Variants in RTKN2 observed in about 807,000 individuals in gnomAD.
RTKN2 encodes the protein rhotekin-2.
A neutral mutation model predicts 71.5 loss-of-function variants in RTKN2; 69 were observed. The observed-to-expected ratio is 0.96, with a 90% CI of 0.79 to 1.18. The LOEUF is 1.18. Ranked by LOEUF, RTKN2 falls within the 50% of genes most tolerant of loss-of-function variation. The pLI is 0.00. For missense variants in RTKN2, 724 were observed against 719.7 expected, an observed-to-expected ratio of 1.01 and a Z score of -0.07; for synonymous variants, 236 against 236.5, an observed-to-expected ratio of 1.00 and a Z score of 0.02.
At chr10:62,212,809 A>G (rs575714015) in intron 9 of RTKN2, among the ~76,000 whole-genome samples, 2 of 152,336 alleles carry the variant, frequency 1.3e-5, no homozygotes, top group South Asian at 4.1e-4. Flanking sequence ...TAGATTTAAA[A>G]ACCAAGTAAT....
intron 1 of RTKN2, among the ~76,000 whole-genome samples, chr10:62,268,199 T>A (rs1842900527): frequency 6.6e-6 from 1 of 152,144 alleles, no homozygotes; most frequent in South Asian, 2.1e-4. Context: ...CCTCGCTGGG[T>A]TTCTTGGGAA....
intron 6 of RTKN2, among the ~76,000 whole-genome samples, chr10:62,235,150 A>C (rs1227962968): frequency 6.6e-6 from 1 of 152,208 alleles, no homozygotes; most frequent in Non-Finnish European, 1.5e-5. Context: ...AGGAAATTGT[A>C]GTAGGCTAAA....
chr10:62,187,738 C>G lies in RTKN2; in HGVS notation c.862-3351G>C, dbSNP rs113680685. Among the ~76,000 whole-genome samples the G allele has an allele frequency of 3.1e-3, 478 of 152,258 alleles. 2 individuals are homozygous for G. The highest frequency in any genetic ancestry group is 9.6e-3 in the African/African-American group (398 of 41,532). On this transcript the variant is annotated intron_variant, in intron 8 of 8. Transcript: ENST00000315289. ...AAAACTGGCCTGTGCCCTCGGTGAA[C>G]TTAACGTGTAGTGGTGGCATTTACA... is the stretch of plus-strand genomic sequence containing the variant.
At chr10:62,235,945 GTTTT>G in intron 6 of RTKN2, 117 bp downstream of exon 6, 1 of 718,194 alleles carries the variant, frequency 1.4e-6, no homozygotes, top group Non-Finnish European at 2.3e-6. Flanking sequence ...AAACAACTAA[GTTTT>G]GTTTTTGTTT....
intron 9 of RTKN2, 93 bp downstream of exon 9, chr10:62,217,024 CT>C (rs1841783221): frequency 1.1e-6 from 1 of 918,930 alleles, no homozygotes. Flanking sequence ...CAGTACTTCT[CT>C]TTTATTTATA....
At chr10:62,205,557 A>G (rs1199148196) in intron 9 of RTKN2, among the ~76,000 whole-genome samples, 2 of 152,190 alleles carry the variant, frequency 1.3e-5, no homozygotes, top group Admixed American at 6.5e-5. Context: ...CCTCATTAAC[A>G]TTTATTTTGT....
intron 6 of RTKN2, among the ~76,000 whole-genome samples, chr10:62,227,442 T>C (rs1364054029): frequency 1.3e-5 from 2 of 151,930 alleles, no homozygotes; most frequent in Admixed American, 6.6e-5. Flanking sequence ...ACAATACATA[T>C]AAAGGCTAAG....
intron 9 of RTKN2, among the ~76,000 whole-genome samples, chr10:62,206,162 G>GTA (rs748225528): frequency 1.3e-5 from 2 of 152,108 alleles, no homozygotes; most frequent in African/African-American, 2.4e-5. Flanking sequence ...CAGCCATATT[G>GTA]TAAGTGTCTA....
Position 62,195,517 on chromosome 10 carries a change from C to G in RTKN2, c.*2391G>C. 1.3e-6 allele frequency: 1 copy of G among 781,150 alleles called. No individual in the cohort carries two copies. The highest frequency in any genetic ancestry group is 1.9e-5 in the African/African-American group (1 of 51,892). 48.4% of individuals were successfully genotyped at this position (781,150 alleles called of 1,614,324 possible). On this transcript the variant is annotated 3_prime_UTR_variant, in exon 12 of 12. Transcript: ENST00000373789. ...AGGAAAGTGGGAAAAGGGGATGAGA[C>G]AGAGAGAGAGGACAGGGGGCCAGAG...
At chr10:62,256,074 A>G (rs896088972) in intron 2 of RTKN2, among the ~76,000 whole-genome samples, 3 of 150,662 alleles carry the variant, frequency 2.0e-5, no homozygotes, top group Non-Finnish European at 2.9e-5. Context: ...GCTGGAGTGC[A>G]GTGGCATGAT....
intron 7 of RTKN2, among the ~76,000 whole-genome samples, chr10:62,221,778 G>A (rs939441043): frequency 2.0e-5 from 3 of 151,962 alleles, no homozygotes; most frequent in Non-Finnish European, 2.9e-5. Flanking sequence ...GAATAAAACT[G>A]ACTAATCTAT....
chr10:62,207,694 C>T (rs1841576030), intron 9 of RTKN2, among the ~76,000 whole-genome samples: 1 of 152,112 alleles, frequency 6.6e-6, no homozygotes, highest in African/African-American at 2.4e-5. Context: ...CCCCATATTT[C>T]TGCCACCTAA....
In RTKN2 at chr10:62,194,267, T is replaced by C; in HGVS notation, c.*3641A>G. ...TCTTTCCCAGAGTTAACTAAGAACA[T>C]CTATGATCCAGAATATGCAGATTTC... On this transcript the variant is annotated 3_prime_UTR_variant, in exon 12 of 12. Coordinates refer to ENST00000373789, the MANE Select transcript of RTKN2 (RefSeq NM_145307.4). 1.0e-6 allele frequency: 1 copy of C among 984,698 alleles called. No individual in the cohort carries two copies. Among genetic ancestry groups the C allele is most frequent in the South Asian group, 4.7e-5 (1 of 21,284 alleles). 61.0% of individuals were successfully genotyped at this position (984,698 alleles called of 1,614,324 possible). A position where few individuals can be genotyped will look rare whatever the true frequency, so the allele number is the denominator to read the frequency against.
intron 6 of RTKN2, among the ~76,000 whole-genome samples, chr10:62,228,176 G>T (rs1272927484): frequency 6.6e-6 from 1 of 152,116 alleles, no homozygotes; most frequent in African/African-American, 2.4e-5. Context: ...TTTAATGAAA[G>T]TTAGTTAGGT....
At chr10:62,252,013 G>A (rs1163022735) in intron 2 of RTKN2, among the ~76,000 whole-genome samples, 4 of 152,054 alleles carry the variant, frequency 2.6e-5, no homozygotes, top group Non-Finnish European at 5.9e-5. Context: ...AAGAGCCAAC[G>A]TATATGTAAT....
chr10:62,257,604 T>G (rs866127267), intron 2 of RTKN2, among the ~76,000 whole-genome samples: 33 of 152,154 alleles, frequency 2.2e-4, no homozygotes, highest in Admixed American at 1.9e-3. Context: ...TGCAATAAAT[T>G]TGTAAAGCAG....
chr10:62,231,199 A>G (rs1363157496), intron 6 of RTKN2, among the ~76,000 whole-genome samples: 4 of 152,232 alleles, frequency 2.6e-5, no homozygotes, highest in African/African-American at 9.6e-5. Context: ...GTAAATAATC[A>G]TGCTGAATTT....
intron 7 of RTKN2, among the ~76,000 whole-genome samples, chr10:62,218,840 G>T (rs1270867157): frequency 1.3e-5 from 2 of 151,960 alleles, no homozygotes; most frequent in African/African-American, 4.8e-5. Context: ...ACAAAAATTA[G>T]CTGGGCATGG....
intron 7 of RTKN2, 42 bp downstream of exon 7, chr10:62,223,196 A>G (rs755656300): frequency 8.9e-7 from 1 of 1,125,202 alleles, no homozygotes; most frequent in Non-Finnish European, 1.3e-6. Context: ...TTAGAAATAT[A>G]GACAGAATAT....
Sources: allele counts gnomAD v4.1 joint callset (sites outside exome capture counted in the v4.1 genomes callset), GRCh38; gene constraint gnomAD v4.1.1; transcripts MANE v1.5; gene names NCBI Gene and HGNC (gene_info 2026-07-23, HGNC 2026-07-21).